Variants in CCDC175 observed in about 807,000 individuals in gnomAD.
The protein encoded by CCDC175 is coiled-coil domain containing 175.
A neutral mutation model predicts 114.6 loss-of-function variants in CCDC175; 100 were observed. That is an observed-to-expected ratio of 0.87 (90% CI 0.74 to 1.03). The LOEUF (loss-of-function observed/expected upper bound fraction) is 1.03. Ranked by LOEUF, CCDC175 falls within the 50% of genes least tolerant of loss-of-function variation. The probability of loss-of-function intolerance (pLI) is 0.00; values close to 1 mark genes in which losing one functional copy is unlikely to be tolerated. For missense variants in CCDC175, 880 were observed against 917.8 expected, an observed-to-expected ratio of 0.96 and a Z score of 0.53; for synonymous variants, 306 against 308.7, an observed-to-expected ratio of 0.99 and a Z score of 0.09.
At chr14:59,559,224 A>G (rs989283607) in intron 7 of CCDC175, among the ~76,000 whole-genome samples, 2 of 152,164 alleles carry the variant, frequency 1.3e-5, no homozygotes, top group African/African-American at 4.8e-5. Flanking sequence ...CACATTTCTC[A>G]TGTGCTGAAA....
intron 8 of CCDC175, among the ~76,000 whole-genome samples, chr14:59,546,370 T>C (rs1895108681): frequency 6.6e-6 from 1 of 152,162 alleles, no homozygotes; most frequent in Admixed American, 6.6e-5. Context: ...GGTATTATGT[T>C]CACTACTTGG....
At position 59,521,505 on chromosome 14, in the gene CCDC175, T is replaced by G. The variant is rs889990862; in HGVS notation, c.2098+69A>C. The G allele has an allele frequency of 1.8e-4, 146 of 814,144 alleles. No homozygotes were observed. In the East Asian group the frequency reaches 2.4e-3, roughly 13 times the overall value. The allele number at this position is 814,144 out of a possible 1,614,324, so 50.4% of individuals were successfully genotyped here. A position where few individuals can be genotyped will look rare whatever the true frequency, so the allele number is the denominator to read the frequency against. On this transcript the variant is annotated intron_variant, in intron 17 of 19. Transcript: ENST00000537690. ...TCCTTAATAAGCTCCCTTTCATATA[T>G]ACATATATCCTATTAGTTCTGTCCC...
chr14:59,520,639 T>C (rs1019185856), intron 17 of CCDC175, among the ~76,000 whole-genome samples: 1 of 152,248 alleles, frequency 6.6e-6, no homozygotes, highest in Non-Finnish European at 1.5e-5. Context: ...AAATATGGTA[T>C]ATCTATACAA....
Position 59,531,904 on chromosome 14 carries a change from A to C in CCDC175, c.1630T>G (p.Phe544Val). ...MKELSKYEEI[F>V]VKETQINKEK... ...TTGTTAATTTGTGTTTCCTTAACAA[A>C]TATTTCCTTTAAAGAAAATAAAATC... is the stretch of plus-strand genomic sequence containing the variant. The change falls in exon 14 of 20, where the codon TTT becomes GTT. Residue 544 changes from phenylalanine to valine, a missense_variant. Coordinates refer to ENST00000537690, the MANE Select transcript of CCDC175 (RefSeq NM_001164399.2). The C allele has an allele frequency of 8.5e-7, 1 of 1,174,034 alleles. No homozygotes were observed. The highest frequency in any genetic ancestry group is 1.2e-6 in the Non-Finnish European group (1 of 836,302). The allele number at this position is 1,174,034 out of a possible 1,614,324, so 72.7% of individuals were successfully genotyped here.
chr14:59,553,363 T>G (rs1394193769), intron 7 of CCDC175, among the ~76,000 whole-genome samples: 1 of 152,200 alleles, frequency 6.6e-6, no homozygotes, highest in Non-Finnish European at 1.5e-5. Flanking sequence ...CCAGCCAAAC[T>G]AAGCTTCATA....
intron 11 of CCDC175, 109 bp downstream of exon 11, chr14:59,540,566 C>T: frequency 8.5e-7 from 1 of 1,173,250 alleles, no homozygotes; most frequent in Non-Finnish European, 1.2e-6. Flanking sequence ...GAAAATCATT[C>T]CCTTGGGTTC....
intron 3 of CCDC175, 25 bp from the exon 4 acceptor site, chr14:59,568,405 T>C (rs1401188687): frequency 2.0e-6 from 3 of 1,475,822 alleles, no homozygotes; most frequent in Non-Finnish European, 2.7e-6. Context: ...GAAATATTAC[T>C]ACATTATTTG....
rs187997921 is a variant in CCDC175, at chr14:59,534,043, A to G, written c.1624-2133T>C. Among the ~76,000 whole-genome samples, 280 of 150,958 alleles carry G rather than the reference A, an allele frequency of 1.9e-3. 5 individuals carry two copies. The highest frequency in any genetic ancestry group is 0.018 in the Admixed American group (278 of 15,130). ...CTGTATTATCCATACTAGGTTTTTT[A>G]AACAAGAATAGCCTGTAAATACAAG... On this transcript the variant is annotated intron_variant, in intron 13 of 19. Coordinates refer to ENST00000537690, the MANE Select transcript of CCDC175 (RefSeq NM_001164399.2).
At chr14:59,516,073 T>C (rs1893064716) in intron 17 of CCDC175, among the ~76,000 whole-genome samples, 2 of 152,146 alleles carry the variant, frequency 1.3e-5, no homozygotes, top group Non-Finnish European at 2.9e-5. Flanking sequence ...GACTACTGGG[T>C]ACATAACGAA....
At chr14:59,538,211 T>G in intron 12 of CCDC175, 57 bp from the exon 13 acceptor site, 1 of 1,397,794 alleles carries the variant, frequency 7.2e-7, no homozygotes, top group Non-Finnish European at 9.4e-7. Flanking sequence ...GCCTTACATT[T>G]TCGAATAGCC....
Position 59,505,170 on chromosome 14 carries a change from T to C in CCDC175, c.*69A>G, listed in dbSNP as rs1259638753. 3 of 721,834 alleles carry C rather than the reference T, an allele frequency of 4.2e-6. No homozygotes were observed. The highest frequency in any genetic ancestry group is 6.4e-6 in the Non-Finnish European group (3 of 467,706). 44.7% of individuals were successfully genotyped at this position (721,834 alleles called of 1,614,324 possible). A position where few individuals can be genotyped will look rare whatever the true frequency, so the allele number is the denominator to read the frequency against. ...GACTTCTATTAACAGCTGCAAAATA[T>C]GAAAGTAAGTGCACTCACTTTTCCT... On this transcript the variant is annotated 3_prime_UTR_variant, in exon 20 of 20. Transcript: ENST00000537690.
At chr14:59,550,668 A>G (rs945692021) in intron 8 of CCDC175, among the ~76,000 whole-genome samples, 2 of 152,180 alleles carry the variant, frequency 1.3e-5, no homozygotes, top group African/African-American at 4.8e-5. Context: ...CAAGTACCAA[A>G]GCTGAAGAAC....
intron 7 of CCDC175, among the ~76,000 whole-genome samples, chr14:59,558,433 A>G (rs1482230133): frequency 6.6e-6 from 1 of 152,184 alleles, no homozygotes; most frequent in Admixed American, 6.5e-5. Context: ...CTAAAGCTAC[A>G]GTGGTGGCAG....
intron 6 of CCDC175, among the ~76,000 whole-genome samples, 158 bp from the exon 7 acceptor site, chr14:59,561,386 AAAT>A: frequency 6.6e-6 from 1 of 152,300 alleles, no homozygotes; most frequent in African/African-American, 2.4e-5. Context: ...TTTCTCTATA[AAAT>A]AAACTTGGAC....
At chr14:59,546,617 T>G (rs1895127512) in intron 8 of CCDC175, among the ~76,000 whole-genome samples, 2 of 139,884 alleles carry the variant, frequency 1.4e-5, no homozygotes, top group Admixed American at 7.0e-5. Context: ...AAGTTTTGGG[T>G]TTTTTTGCAT....
intron 11 of CCDC175, 24 bp downstream of exon 11, chr14:59,540,651 T>TTG (rs1894724341): frequency 1.8e-6 from 2 of 1,107,690 alleles, no homozygotes; most frequent in Non-Finnish European, 2.4e-6. Context: ...AAATAAACTT[T>TTG]TTTTTTTTTT....
At chr14:59,574,841 C>T in intron 2 of CCDC175, 102 bp downstream of exon 2, 1 of 606,390 alleles carries the variant, frequency 1.6e-6, no homozygotes, top group East Asian at 3.0e-5. Context: ...AACTATATTC[C>T]CTAGTCATCT....
chr14:59,574,465 C>T (rs986213588), intron 2 of CCDC175, among the ~76,000 whole-genome samples: 4 of 152,182 alleles, frequency 2.6e-5, no homozygotes, highest in African/African-American at 9.7e-5. Context: ...TCTTTGTTTT[C>T]ACTAACAGTA....
intron 19 of CCDC175, among the ~76,000 whole-genome samples, chr14:59,509,434 G>A (rs761649250): frequency 2.2e-4 from 33 of 152,290 alleles, no homozygotes; most frequent in South Asian, 1.9e-3. Flanking sequence ...CCACTGAAAC[G>A]TTATTTCTTC....
Sources: gnomAD v4.1 joint callset for allele counts (sites outside exome capture counted in the v4.1 genomes callset) on GRCh38, gnomAD v4.1.1 for gene constraint, MANE v1.5 for transcripts, NCBI Gene and HGNC (gene_info 2026-07-23, HGNC 2026-07-21) for gene names.